DRC7: variants seen among roughly 807,000 people sequenced by gnomAD.
DRC7 encodes the protein dynein regulatory complex subunit 7.
DRC7 carries 80 observed loss-of-function variants against 104.4 expected under a neutral mutation model. That is an observed-to-expected ratio of 0.77 (90% CI 0.64 to 0.92). The LOEUF (loss-of-function observed/expected upper bound fraction) is 0.92, where lower values mean the gene tolerates loss of function less well. Ranked by LOEUF, DRC7 falls within the 40% of genes least tolerant of loss-of-function variation. The pLI is 0.00. For missense variants in DRC7, 1,034 were observed against 1,141.1 expected (o/e 0.91, Z 1.35); for synonymous variants, 405 against 447.3 (o/e 0.91, Z 1.19).
At chr16:57,727,105 C>T (rs868140522) in intron 15 of DRC7, 163 bp downstream of exon 15, 40 of 647,394 alleles carry the variant, frequency 6.2e-5, no homozygotes, top group Admixed American at 2.9e-4. Context: ...GGACCACTAG[C>T]GCACACCACC....
chr16:57,696,745 AC>A (rs1179464717), intron 2 of DRC7, among the ~76,000 whole-genome samples, 151 bp downstream of exon 2: 1 of 151,610 alleles, frequency 6.6e-6, no homozygotes, highest in Non-Finnish European at 1.5e-5. Context: ...AGGCTGTGTT[AC>A]CCCCACCCCC....
chr16:57,721,676 G>A lies in DRC7; in HGVS notation c.1216G>A (p.Asp406Asn), dbSNP rs2048904197. The change falls in exon 10 of 19, where the codon GAT (aspartate) becomes AAT (asparagine). Residue 406 changes from aspartate (D) to asparagine (N), a missense_variant. By Grantham distance (23) the Asp-to-Asn change is conservative (BLOSUM62 1). Coordinates refer to ENST00000360716, the MANE Select transcript of DRC7 (RefSeq NM_001289162.2). The stretch of plus-strand genomic sequence containing the variant: ...CCTTCTCTCCCATCAGGGCAAGGAG[G>A]ATGAGGATAAGAGCTTCGACATGCC... ...EDDVENLGKE[D>N]EDKSFDMPHS... is the part of the protein sequence containing the mutation. 6.2e-7 allele frequency: 1 copy of A among 1,613,746 alleles called. No homozygotes were observed. Among genetic ancestry groups the A allele is most frequent in the South Asian group, 1.1e-5 (1 of 91,070 alleles).
Position 57,722,444 on chromosome 16 carries a change from T to A in DRC7, c.1280-269T>A, listed in dbSNP as rs1006657452. On this transcript the variant is annotated intron_variant, in intron 10 of 18. Coordinates refer to ENST00000360716, the MANE Select transcript of DRC7 (RefSeq NM_001289162.2). ...ACCTGTACAAGCAAAGGCCTGGCAA[T>A]GTGAGAGTGTGGTTGGCTGCAGGGC... Among the ~76,000 whole-genome samples the A allele has an allele frequency of 7.2e-5, 11 of 152,022 alleles. 1 individual carries two copies. Among genetic ancestry groups the A allele is most frequent in the African/African-American group, 2.7e-4 (11 of 41,454 alleles).
intron 10 of DRC7, among the ~76,000 whole-genome samples, chr16:57,721,983 G>A (rs1348822950): frequency 6.6e-6 from 1 of 152,088 alleles, no homozygotes; most frequent in Non-Finnish European, 1.5e-5. Flanking sequence ...GTGAGCATGT[G>A]TGGGATGATG....
At chr16:57,717,401 T>TG (rs565868675) in intron 8 of DRC7, among the ~76,000 whole-genome samples, 1 of 132,830 alleles carries the variant, frequency 7.5e-6, no homozygotes, top group Non-Finnish European at 1.6e-5. Context: ...TGCACTGGCT[T>TG]AAAAAAAAAA....
intron 8 of DRC7, among the ~76,000 whole-genome samples, chr16:57,710,394 G>T (rs545386001): frequency 3.0e-4 from 45 of 152,172 alleles, no homozygotes; most frequent in African/African-American, 1.1e-3. Flanking sequence ...TCACTTATTT[G>T]CCCTAATAGC....
At chr16:57,718,234 TG>T in intron 8 of DRC7, 112 bp from the exon 9 acceptor site, 1 of 1,378,820 alleles carries the variant, frequency 7.3e-7, no homozygotes, top group Non-Finnish European at 9.9e-7. Flanking sequence ...CCCCAAGCCC[TG>T]GGCCCAGGTC....
At chr16:57,729,881 A>G (rs1158921315) in intron 17 of DRC7, among the ~76,000 whole-genome samples, 36 of 78,520 alleles carry the variant, frequency 4.6e-4, no homozygotes, top group Middle Eastern at 0.014. Flanking sequence ...TGGATGGATG[A>G]ATGGATGGGT....
At chr16:57,702,611 C>A (rs1367745876) in intron 6 of DRC7, among the ~76,000 whole-genome samples, 1 of 152,082 alleles carries the variant, frequency 6.6e-6, no homozygotes, top group Non-Finnish European at 1.5e-5. Flanking sequence ...CCAGCCTGGC[C>A]AACATGGCGA....
intron 8 of DRC7, among the ~76,000 whole-genome samples, chr16:57,716,918 G>T (rs997626573): frequency 1.3e-5 from 2 of 152,056 alleles, no homozygotes; most frequent in Non-Finnish European, 2.9e-5. Context: ...GGGGACTGAG[G>T]ACTCAGGTGG....
chr16:57,700,333 A>C, intron 5 of DRC7, 63 bp downstream of exon 5: 2 of 1,549,866 alleles, frequency 1.3e-6, no homozygotes, highest in Non-Finnish European at 1.8e-6. Context: ...TGAGAAACAA[A>C]CTCACCCATC....
intron 9 of DRC7, among the ~76,000 whole-genome samples, chr16:57,719,673 C>G (rs1488415355): frequency 2.0e-5 from 3 of 152,080 alleles, no homozygotes; most frequent in African/African-American, 7.2e-5. Context: ...CCATACCCAG[C>G]TAATTTTTGT....
At chr16:57,703,755 G>T (rs781413055) in intron 6 of DRC7, among the ~76,000 whole-genome samples, 1 of 152,054 alleles carries the variant, frequency 6.6e-6, no homozygotes, top group Non-Finnish European at 1.5e-5. Flanking sequence ...CCACTTGAGC[G>T]CAGGAGTTCC....
chr16:57,724,490 T>C, intron 12 of DRC7, 125 bp from the exon 13 acceptor site: 1 of 635,466 alleles, frequency 1.6e-6, no homozygotes, highest in Non-Finnish European at 2.7e-6. Flanking sequence ...GACTGGTTCA[T>C]AGCTAACCTC....
At chr16:57,705,999 A>C (rs1160891974) in intron 7 of DRC7, among the ~76,000 whole-genome samples, 1 of 66,234 alleles carries the variant, frequency 1.5e-5, no homozygotes. Context: ...CCATCCATCC[A>C]TCCTCCCACC....
At chr16:57,701,717 G>T (rs1487455000) in intron 5 of DRC7, 10 of 555,282 alleles carry the variant, frequency 1.8e-5, no homozygotes, top group Non-Finnish European at 2.9e-5. Context: ...GAAGTCCATA[G>T]CCCCTTCAAA....
chr16:57,701,500 G>A (rs1435099178), intron 5 of DRC7: 7 of 158,690 alleles, frequency 4.4e-5, no homozygotes, highest in Admixed American at 4.3e-4. Context: ...CCCATCTTTG[G>A]GCTTCTGACC....
intron 9 of DRC7, among the ~76,000 whole-genome samples, chr16:57,718,676 C>T (rs1372783769): frequency 6.6e-6 from 1 of 152,176 alleles, no homozygotes; most frequent in African/African-American, 2.4e-5. Context: ...GAAACCTACC[C>T]AGGACCTCCC....
At chr16:57,709,795 G>T (rs78221701) in intron 8 of DRC7, among the ~76,000 whole-genome samples, 4 of 151,906 alleles carry the variant, frequency 2.6e-5, no homozygotes, top group African/African-American at 9.7e-5. Flanking sequence ...TTTGAGACAG[G>T]GTCTTCCTTT....
Sources: gnomAD v4.1 joint callset for allele counts (sites outside exome capture counted in the v4.1 genomes callset) on GRCh38, gnomAD v4.1.1 for gene constraint, MANE v1.5 for transcripts, NCBI Gene and HGNC (gene_info 2026-07-23, HGNC 2026-07-21) for gene names.